The following MAML2 variants were observed in gnomAD, a reference collection of about 807,000 sequenced individuals.
The protein encoded by MAML2 is mastermind-like protein 2.
In MAML2, 22 loss-of-function variants were observed where a neutral mutation model predicts 96.1. The observed-to-expected ratio is 0.23, with a 90% confidence interval of 0.16 to 0.33. The LOEUF is 0.33. Ranked by LOEUF, MAML2 falls within the 10% of genes least tolerant of loss-of-function variation. The probability of loss-of-function intolerance (pLI) is 1.00; values close to 1 mark genes in which losing one functional copy is unlikely to be tolerated. For missense variants in MAML2, 1,367 were observed against 1,392.4 expected (o/e 0.98, Z 0.29); for synonymous variants, 561 against 521.3 (o/e 1.08, Z -1.04).
At chr11:96,245,574 T>C (rs890841140) in intron 1 of MAML2, among the ~76,000 whole-genome samples, 1 of 152,224 alleles carries the variant, frequency 6.6e-6, no homozygotes, top group Non-Finnish European at 1.5e-5. Flanking sequence ...AAAACTGATA[T>C]ATCTTCACGT....
At position 95,979,314 on chromosome 11, in the gene MAML2, T is replaced by C; in HGVS notation, c.3105A>G (p.Thr1035=). The change falls in exon 5 of 5, where the codon ACA becomes ACG. Residue 1035 remains threonine (T), a synonymous_variant. Coordinates refer to ENST00000524717, the MANE Select transcript of MAML2 (RefSeq NM_032427.4). Reference sequence around the variant, plus strand: ...GGGGACCCATGGTTTGCCCATTTAGTGTTTGGCTCATTTGGTTCATGGGTC... The same window carrying C: ...GGGGACCCATGGTTTGCCCATTTAGCGTTTGGCTCATTTGGTTCATGGGTC... The part of the protein sequence containing the change: ...QMRPMNQMSQ[T]LNGQTMGPLR... The C allele has an allele frequency of 6.2e-7, 1 of 1,613,938 alleles. No homozygotes were observed. Among genetic ancestry groups the C allele is most frequent in the Non-Finnish European group, 8.5e-7 (1 of 1,179,874 alleles).
chr11:96,027,558 G>A (rs1054916405), intron 2 of MAML2, among the ~76,000 whole-genome samples: 6 of 152,114 alleles, frequency 3.9e-5, no homozygotes, highest in South Asian at 2.1e-4. Context: ...TAAGGACTAG[G>A]TGCAGTGGGA....
intron 1 of MAML2, among the ~76,000 whole-genome samples, chr11:96,158,219 T>A (rs1309922732): frequency 6.6e-6 from 1 of 152,202 alleles, no homozygotes; most frequent in Non-Finnish European, 1.5e-5. Context: ...AAAATCATAG[T>A]TTATTTACAG....
chr11:96,059,448 A>G (rs1021878835), intron 2 of MAML2, among the ~76,000 whole-genome samples: 2 of 152,204 alleles, frequency 1.3e-5, no homozygotes, highest in Non-Finnish European at 2.9e-5. Flanking sequence ...TTCTCTGTGC[A>G]TGGTTTATGA....
chr11:96,168,837 A>G (rs979339836), intron 1 of MAML2, among the ~76,000 whole-genome samples: 2 of 152,170 alleles, frequency 1.3e-5, no homozygotes, highest in African/African-American at 4.8e-5. Context: ...TGAGTCATAA[A>G]GTTGTGCTGG....
At chr11:96,294,923 A>G (rs1050006950) in intron 1 of MAML2, among the ~76,000 whole-genome samples, 22 of 152,216 alleles carry the variant, frequency 1.4e-4, no homozygotes, top group Admixed American at 5.2e-4. Context: ...TGTAGCCATC[A>G]AGAAAATTTA....
In MAML2 at chr11:96,101,476, A is replaced by G. The variant is rs149478391; in HGVS notation, c.514-7959T>C. ...TCTTCTCTTATCAAGACAAATGGGA[A>G]GCTGTGGGATCTAGAAAGAGCACAA... On this transcript the variant is annotated intron_variant, in intron 1 of 4. Coordinates refer to ENST00000524717, the MANE Select transcript of MAML2 (RefSeq NM_032427.4). Among the ~76,000 whole-genome samples the G allele has an allele frequency of 5.9e-5, 9 of 152,332 alleles. No homozygotes were observed. In the East Asian group the frequency reaches 1.5e-3, roughly 26 times the overall value.
intron 2 of MAML2, among the ~76,000 whole-genome samples, chr11:96,036,424 TGATGG>T (rs1858712703): frequency 6.6e-6 from 1 of 152,166 alleles, no homozygotes; most frequent in African/African-American, 2.4e-5. Flanking sequence ...TGCAGGAATA[TGATGG>T]GAAAGAACAC....
chr11:96,098,933 T>A (rs2135819263), intron 1 of MAML2, among the ~76,000 whole-genome samples: 1 of 152,344 alleles, frequency 6.6e-6, no homozygotes, highest in East Asian at 1.9e-4. Flanking sequence ...TATTGCACAA[T>A]CCTCTGGTTT....
intron 1 of MAML2, among the ~76,000 whole-genome samples, chr11:96,097,973 T>C (rs1463120889): frequency 2.0e-5 from 3 of 152,234 alleles, no homozygotes; most frequent in Non-Finnish European, 4.4e-5. Flanking sequence ...AAAGTCCTAA[T>C]TCTGAACCAC....
Position 96,093,314 on chromosome 11 carries a change from G to A in MAML2, c.717C>T (p.Pro239=). Residue 239 remains proline (P), a synonymous_variant, in exon 2 of 5, where the codon CCC becomes CCT. Transcript: ENST00000524717. ...MSGTLPMSQA[P]LRKTNTLPSH... ...ATGGCAGAGTGTTAGTCTTTCGCAG[G>A]GGTGCTTGGCTCATAGGCAAGGTCC... 2 of 1,613,940 alleles carry A rather than the reference G, an allele frequency of 1.2e-6. No homozygotes were observed. The highest frequency in any genetic ancestry group is 1.7e-6 in the Non-Finnish European group (2 of 1,179,892).
At chr11:96,127,541 A>G (rs1482075562) in intron 1 of MAML2, among the ~76,000 whole-genome samples, 1 of 152,248 alleles carries the variant, frequency 6.6e-6, no homozygotes, top group Non-Finnish European at 1.5e-5. Flanking sequence ...TTAAAAGAGT[A>G]GAAGAAATTG....
chr11:96,000,056 C>CT (rs1481274731), intron 2 of MAML2, among the ~76,000 whole-genome samples: 1 of 152,214 alleles, frequency 6.6e-6, no homozygotes, highest in African/African-American at 2.4e-5. Flanking sequence ...TCCCAATAAG[C>CT]TGGCAGGCCC....
At chr11:96,160,744 A>G (rs563816679) in intron 1 of MAML2, among the ~76,000 whole-genome samples, 26 of 152,274 alleles carry the variant, frequency 1.7e-4, no homozygotes, top group South Asian at 6.2e-4. Context: ...TCTGATTTTT[A>G]AAGTAGGGAC....
chr11:96,256,484 T>C (rs1862670446), intron 1 of MAML2, among the ~76,000 whole-genome samples: 1 of 152,236 alleles, frequency 6.6e-6, no homozygotes, highest in Admixed American at 6.5e-5. Flanking sequence ...AGATCTCAGC[T>C]TAAATACTGA....
intron 2 of MAML2, among the ~76,000 whole-genome samples, chr11:96,084,942 G>A (rs941526091): frequency 6.6e-6 from 1 of 152,206 alleles, no homozygotes. Flanking sequence ...GTAGAATGAA[G>A]GGGAAACAGG....
chr11:96,211,830 A>C (rs571700361), intron 1 of MAML2, among the ~76,000 whole-genome samples: 2 of 152,336 alleles, frequency 1.3e-5, no homozygotes, highest in East Asian at 3.9e-4. Context: ...GAAGATCAAC[A>C]AAGATAAAAT....
chr11:96,311,022 A>T (rs964789865), intron 1 of MAML2, among the ~76,000 whole-genome samples: 14 of 152,236 alleles, frequency 9.2e-5, no homozygotes, highest in African/African-American at 3.4e-4. Flanking sequence ...CTTTACATGT[A>T]TCATCTCATT....
chr11:96,128,050 C>G (rs895409531), intron 1 of MAML2, among the ~76,000 whole-genome samples: 3 of 152,172 alleles, frequency 2.0e-5, no homozygotes, highest in African/African-American at 7.2e-5. Flanking sequence ...TCAGCAGGTA[C>G]AGGATGCGGA....
Sources: allele counts gnomAD v4.1 joint callset (sites outside exome capture counted in the v4.1 genomes callset), GRCh38; gene constraint gnomAD v4.1.1; transcripts MANE v1.5; gene names NCBI Gene and HGNC (gene_info 2026-07-23, HGNC 2026-07-21).